Variants in VIRMA observed in about 807,000 individuals in gnomAD.
VIRMA encodes protein virilizer homolog.
A neutral mutation model predicts 182.4 loss-of-function variants in VIRMA; 65 were observed. The observed-to-expected ratio is 0.36, with a 90% CI of 0.29 to 0.44. VIRMA has a LOEUF of 0.44. Ranked by LOEUF, VIRMA falls within the 20% of genes least tolerant of loss-of-function variation. The probability of loss-of-function intolerance (pLI) is 1.00; values close to 1 mark genes in which losing one functional copy is unlikely to be tolerated. For synonymous variants in VIRMA, 709 were observed against 743.1 expected (o/e 0.95, Z 0.75); for missense variants, 1,752 against 2,158.1 (o/e 0.81, Z 3.73).
At position 94,510,443 on chromosome 8, in the gene VIRMA, C is replaced by T. The variant is rs189089439; in HGVS notation, c.3600G>A (p.Leu1200=). The change falls in exon 14 of 24, where the codon TTG becomes TTA. Residue 1200 remains leucine, a synonymous_variant. Transcript: ENST00000297591. ...PTALLIMRTV[L]DLIVEDLQST... Reference sequence around the variant, plus strand: ...TTTGCAAGTCTTCTACAATCAAATCCAACACAGTTCTCATAATCAGAAGTG... The same window carrying T: ...TTTGCAAGTCTTCTACAATCAAATCTAACACAGTTCTCATAATCAGAAGTG... 6.2e-7 allele frequency: 1 copy of T among 1,613,622 alleles called. No individual in the cohort carries two copies. Among genetic ancestry groups the T allele is most frequent in the East Asian group, 2.2e-5 (1 of 44,844 alleles).
chr8:94,546,721 TTCCCCCTCCGAG>T (rs1815779993), intron 1 of VIRMA: 1 of 339,726 alleles, frequency 2.9e-6, no homozygotes, highest in African/African-American at 2.3e-5. Flanking sequence ...CGTCCCAACC[TTCCCCCTCCGAG>T]TCCCTAAAGT....
Position 94,553,411 on chromosome 8 carries a change from C to A in VIRMA, c.37G>T (p.Asp13Tyr). The A allele has an allele frequency of 6.2e-7, 1 of 1,614,196 alleles. No individual in the cohort carries two copies. The highest frequency in any genetic ancestry group is 8.5e-7 in the Non-Finnish European group (1 of 1,180,032). The change falls in exon 1 of 24, where the codon GAT becomes TAT. Residue 13 changes from aspartate (D) to tyrosine (Y), a missense_variant. By Grantham distance (160) the Asp-to-Tyr change is radical. This residue lies in a region of VIRMA where 195 missense variants were observed against 191.7 expected (regional missense o/e 1.02). Coordinates refer to ENST00000297591, the MANE Select transcript of VIRMA (RefSeq NM_015496.5). ...VDSAMELLFL[D>Y]TFKHPSAEQS... is the part of the protein sequence containing the mutation. Reference sequence around the variant, plus strand: ...TCAGCGCTCGGGTGTTTAAAAGTATCTAAAAATAACAGCTCCATCGCCGAG... The same window carrying A: ...TCAGCGCTCGGGTGTTTAAAAGTATATAAAAATAACAGCTCCATCGCCGAG...
At chr8:94,533,084 A>G (rs557087219) in intron 5 of VIRMA, among the ~76,000 whole-genome samples, 2 of 152,226 alleles carry the variant, frequency 1.3e-5, no homozygotes, top group Non-Finnish European at 2.9e-5. Flanking sequence ...AGTAACCACT[A>G]CATATGTCAG....
At chr8:94,532,629 C>T (rs746005266) in intron 5 of VIRMA, among the ~76,000 whole-genome samples, 10 of 152,184 alleles carry the variant, frequency 6.6e-5, no homozygotes, top group Admixed American at 2.6e-4. Flanking sequence ...CTTCCCTGTA[C>T]ATTTCTTTGC....
chr8:94,521,481 A>G (rs1388954826), intron 8 of VIRMA, among the ~76,000 whole-genome samples: 2 of 152,164 alleles, frequency 1.3e-5, no homozygotes, highest in African/African-American at 4.8e-5. Context: ...ATGGGGTAAA[A>G]ATCTGTCAAA....
Position 94,491,578 on chromosome 8 carries a change from C to T in VIRMA, c.5140G>A (p.Gly1714Arg), listed in dbSNP as rs1208881725. The T allele has an allele frequency of 6.2e-7, 1 of 1,608,640 alleles. No homozygotes were observed. Among genetic ancestry groups the T allele is most frequent in the Admixed American group, 1.7e-5 (1 of 59,728 alleles). ...NRFFTPPASKGNYSRREGTRG... is the reference protein window; with the variant it reads ...NRFFTPPASKRNYSRREGTRG... ...TAGAAAATACATACTAATTAGTTACCTTTTGAAGCAGGTGGTGTGAAAAAC... is the reference window on the plus strand; with the variant it reads ...TAGAAAATACATACTAATTAGTTACTTTTTGAAGCAGGTGGTGTGAAAAAC... The change falls in exon 22 of 24, where the codon GGA becomes AGA. Residue 1714 changes from glycine to arginine, a missense_variant and splice_region_variant. By Grantham distance (125) the Gly-to-Arg change is moderately radical. Around this residue, in one of 11 missense-constraint regions of VIRMA, gnomAD observed 132 missense variants for 173.8 expected, o/e 0.76. Coordinates refer to ENST00000297591, the MANE Select transcript of VIRMA (RefSeq NM_015496.5).
intron 11 of VIRMA, among the ~76,000 whole-genome samples, chr8:94,513,923 AG>A (rs1340307640): frequency 1.3e-5 from 2 of 152,250 alleles, no homozygotes; most frequent in African/African-American, 2.4e-5. Context: ...TTGGAGTACA[AG>A]AAGACAAAGG....
At chr8:94,511,965 C>T (rs780379389) in intron 12 of VIRMA, 31 bp downstream of exon 12, 7 of 1,247,196 alleles carry the variant, frequency 5.6e-6, no homozygotes, top group African/African-American at 3.1e-5. Context: ...GCTTAAGAAT[C>T]GTAGTTTTTA....
intron 1 of VIRMA, among the ~76,000 whole-genome samples, chr8:94,548,792 A>G (rs1286804001): frequency 3.3e-5 from 5 of 152,130 alleles, no homozygotes; most frequent in African/African-American, 1.2e-4. Flanking sequence ...AGTAGCTGGG[A>G]CTACAGGCGC....
chr8:94,534,383 C>A (rs79292515), intron 5 of VIRMA: 14,702 of 161,174 alleles, frequency 0.091, 933 homozygotes, highest in South Asian at 0.21. Context: ...GAAAAAATTC[C>A]CTCAGATCAG....
chr8:94,548,814 C>G (rs1490878038), intron 1 of VIRMA, among the ~76,000 whole-genome samples: 2 of 152,148 alleles, frequency 1.3e-5, no homozygotes, highest in African/African-American at 4.8e-5. Context: ...TACCATCACG[C>G]CTGGCTAATT....
intron 15 of VIRMA, among the ~76,000 whole-genome samples, chr8:94,507,162 T>C (rs189547053): frequency 1.3e-5 from 2 of 150,752 alleles, no homozygotes; most frequent in South Asian, 2.1e-4. Flanking sequence ...TGAGACGGAG[T>C]TTCACTCTTG....
chr8:94,533,079 C>G (rs544118629), intron 5 of VIRMA, among the ~76,000 whole-genome samples: 2 of 151,152 alleles, frequency 1.3e-5, no homozygotes, highest in South Asian at 2.1e-4. Flanking sequence ...TTTAGAGTAA[C>G]CACTACATAT....
intron 5 of VIRMA, among the ~76,000 whole-genome samples, chr8:94,532,833 C>G (rs1055315354): frequency 6.6e-6 from 1 of 152,002 alleles, no homozygotes; most frequent in African/African-American, 2.4e-5. Context: ...GGGTGGCACA[C>G]GTCTATAGTC....
chr8:94,499,299 C>A, intron 17 of VIRMA, 75 bp downstream of exon 17: 2 of 1,085,042 alleles, frequency 1.8e-6, no homozygotes, highest in South Asian at 3.5e-5. Flanking sequence ...TCGTACTTGG[C>A]CAAAGATTTC....
intron 14 of VIRMA, 50 bp downstream of exon 14, chr8:94,510,367 T>C (rs368698004): frequency 2.1e-6 from 3 of 1,436,040 alleles, no homozygotes; most frequent in East Asian, 4.8e-5. Context: ...AAAAAATATA[T>C]GTGTCAAAAA....
intron 2 of VIRMA, among the ~76,000 whole-genome samples, chr8:94,541,988 A>C (rs988457112): frequency 8.5e-5 from 13 of 152,352 alleles, no homozygotes; most frequent in African/African-American, 3.1e-4. Flanking sequence ...AAAAAGGAAG[A>C]GGGTTAAGAT....
intron 1 of VIRMA, among the ~76,000 whole-genome samples, chr8:94,548,813 G>A (rs903458369): frequency 2.6e-5 from 4 of 151,918 alleles, no homozygotes; most frequent in East Asian, 1.9e-4. Context: ...ATACCATCAC[G>A]CCTGGCTAAT....
chr8:94,535,324 A>T (rs1268043505), intron 4 of VIRMA, among the ~76,000 whole-genome samples: 2 of 152,220 alleles, frequency 1.3e-5, no homozygotes, highest in Non-Finnish European at 2.9e-5. Flanking sequence ...GTTATTGCTA[A>T]TTAATAAATT....
Sources: gnomAD v4.1 joint callset for allele counts (sites outside exome capture counted in the v4.1 genomes callset) on GRCh38, gnomAD v4.1.1 for gene constraint, gnomAD v4.1.1 regional missense constraint, MANE v1.5 for transcripts, NCBI Gene and HGNC (gene_info 2026-07-23, HGNC 2026-07-21) for gene names.